RGS6: variants seen among roughly 807,000 people sequenced by gnomAD.
The protein encoded by RGS6 is regulator of G protein signaling 6.
In RGS6, 30 loss-of-function variants were observed where a neutral mutation model predicts 78.5. That is an observed-to-expected ratio of 0.38 (90% CI 0.29 to 0.52). The LOEUF (loss-of-function observed/expected upper bound fraction) is 0.52. RGS6 is among the 20% of genes least tolerant of loss of function. The probability of loss-of-function intolerance (pLI) is 0.85; values close to 1 mark genes in which losing one functional copy is unlikely to be tolerated. For synonymous variants in RGS6, 206 were observed against 206.0 expected, an observed-to-expected ratio of 1.00 and a Z score of 0.00; for missense variants, 495 against 609.7, an observed-to-expected ratio of 0.81 and a Z score of 1.98.
At chr14:72,470,508 T>G in intron 8 of RGS6, among the ~76,000 whole-genome samples, 2 of 150,816 alleles carry the variant, frequency 1.3e-5, no homozygotes, top group South Asian at 2.1e-4. Flanking sequence ...AGGGGAGGAG[T>G]TTAGAACCAA....
the RGS6 span, among the ~76,000 whole-genome samples, chr14:71,896,458 G>C: frequency 8.6e-4 from 131 of 152,218 alleles, no homozygotes; most frequent in African/African-American, 3.0e-3. Flanking sequence ...AGTCACTCTC[G>C]TCACCATCTT....
At chr14:72,311,042 G>T (rs1042460758) in intron 2 of RGS6, among the ~76,000 whole-genome samples, 1 of 152,220 alleles carries the variant, frequency 6.6e-6, no homozygotes, top group African/African-American at 2.4e-5. Context: ...TACAGAAAGG[G>T]AGGGAAGCAA....
At chr14:71,927,899 C>G (rs1451406109), upstream of RGS6, among the ~76,000 whole-genome samples, 2 of 152,034 alleles carry the variant, frequency 1.3e-5, no homozygotes, top group African/African-American at 4.8e-5. Context: ...ACCTCGTGAT[C>G]CGCCCGTCTC....
intron 15 of RGS6, among the ~76,000 whole-genome samples, chr14:72,521,438 G>A (rs1329823565): frequency 6.6e-6 from 1 of 152,146 alleles, no homozygotes; most frequent in African/African-American, 2.4e-5. Flanking sequence ...GGAAGAAGTG[G>A]GGAAGTCAGC....
the RGS6 span, among the ~76,000 whole-genome samples, chr14:71,879,045 C>T: frequency 1.1e-4 from 17 of 152,062 alleles, no homozygotes; most frequent in East Asian, 2.9e-3. Flanking sequence ...TTCTTCCCCC[C>T]ACAGCACCCT....
At chr14:72,616,822 T>C in the RGS6 span, among the ~76,000 whole-genome samples, 5 of 152,332 alleles carry the variant, frequency 3.3e-5, no homozygotes, top group Admixed American at 3.3e-4. Flanking sequence ...CGTCCTCTTT[T>C]GAACACAGAG....
chr14:72,546,223 T>G (rs760390385), intron 17 of RGS6, among the ~76,000 whole-genome samples: 3 of 152,242 alleles, frequency 2.0e-5, no homozygotes, highest in Non-Finnish European at 4.4e-5. Flanking sequence ...AACTCCTCTA[T>G]GCTTCGCTTC....
chr14:71,990,793 A>T (rs1464816176), intron 2 of RGS6: 1 of 455,974 alleles, frequency 2.2e-6, no homozygotes, highest in African/African-American at 2.0e-5. Flanking sequence ...GCTACCAAAA[A>T]GACATCTCTG....
Position 72,510,356 on chromosome 14 carries a change from T to A in RGS6, c.1091+77T>A. ...CATAATCGGTCTCTCCATCTCTCTC[T>A]CTCTCAATGAAACGTTATCAGGGTT... On this transcript the variant is annotated intron_variant, in intron 14 of 17. Transcript: ENST00000553525. 3 of 1,564,626 alleles carry A rather than the reference T, an allele frequency of 1.9e-6. No individual in the cohort carries two copies. In the South Asian group the frequency reaches 3.4e-5, roughly 18 times the overall value.
At chr14:72,419,027 C>T (rs534451165) in intron 3 of RGS6, among the ~76,000 whole-genome samples, 95 of 152,294 alleles carry the variant, frequency 6.2e-4, no homozygotes, top group Non-Finnish European at 1.1e-3. Flanking sequence ...ACCCAGGGAG[C>T]GGGCTGCCTT....
intron 2 of RGS6, among the ~76,000 whole-genome samples, chr14:72,132,427 C>T (rs1048708292): frequency 1.1e-4 from 17 of 151,988 alleles, no homozygotes; most frequent in South Asian, 4.1e-4. Flanking sequence ...TACAGGCATA[C>T]GCCACCATGC....
intron 3 of RGS6, among the ~76,000 whole-genome samples, chr14:72,450,273 GC>G (rs1424274129): frequency 3.2e-4 from 48 of 152,110 alleles, no homozygotes; most frequent in South Asian, 2.3e-3. Flanking sequence ...GCATGAATGA[GC>G]CATAATTTAT....
chr14:72,227,166 T>C (rs769200932), intron 2 of RGS6, among the ~76,000 whole-genome samples: 3 of 152,272 alleles, frequency 2.0e-5, no homozygotes, highest in Non-Finnish European at 2.9e-5. Flanking sequence ...GTGTGTTCAA[T>C]CAAATGGACA....
chr14:72,009,355 C>CT (rs1190083916), intron 2 of RGS6, among the ~76,000 whole-genome samples: 2 of 151,790 alleles, frequency 1.3e-5, no homozygotes, highest in Admixed American at 6.6e-5. Flanking sequence ...ACCCCAAACT[C>CT]TAAAAAAAAA....
the RGS6 span, among the ~76,000 whole-genome samples, chr14:72,620,253 T>A: frequency 6.6e-6 from 1 of 152,206 alleles, no homozygotes; most frequent in African/African-American, 2.4e-5. Context: ...CTTCTGTGAC[T>A]AACACCTCAC....
At chr14:72,044,479 CTTCTCTCTCTTCCT>C (rs1189862493) in intron 2 of RGS6, among the ~76,000 whole-genome samples, 6 of 152,114 alleles carry the variant, frequency 3.9e-5, no homozygotes, top group African/African-American at 1.4e-4. Context: ...TTTCTCTCCC[CTTCTCTCTCTTCCT>C]TCCTCCCTCT....
intron 2 of RGS6, among the ~76,000 whole-genome samples, chr14:72,318,488 C>T (rs2152499134): frequency 6.6e-6 from 1 of 152,226 alleles, no homozygotes; most frequent in South Asian, 2.1e-4. Context: ...TTAGCCCTCA[C>T]AATCATAAAA....
the RGS6 span, among the ~76,000 whole-genome samples, chr14:72,613,283 G>A: frequency 1.3e-3 from 198 of 152,198 alleles, no homozygotes; most frequent in African/African-American, 4.2e-3. Context: ...CACCATGGCC[G>A]CGTTTATTTG....
chr14:72,463,243 A>G (rs1386747669), intron 6 of RGS6, among the ~76,000 whole-genome samples: 2 of 152,222 alleles, frequency 1.3e-5, no homozygotes, highest in Non-Finnish European at 2.9e-5. Context: ...AGAGAAACCA[A>G]TATCTGAGCT....
Sources: gnomAD v4.1 joint callset for allele counts (sites outside exome capture counted in the v4.1 genomes callset) on GRCh38, gnomAD v4.1.1 for gene constraint, MANE v1.5 for transcripts, NCBI Gene and HGNC (gene_info 2026-07-23, HGNC 2026-07-21) for gene names.